The following PLCH1 variants were observed in gnomAD, a reference collection of about 807,000 sequenced individuals.
PLCH1 encodes 1-phosphatidylinositol 4,5-bisphosphate phosphodiesterase eta-1.
Under a neutral mutation model 126.7 loss-of-function variants are expected in PLCH1, and 60 were observed. The observed-to-expected ratio is 0.47, with a 90% CI of 0.38 to 0.59. The LOEUF (loss-of-function observed/expected upper bound fraction) is 0.59. PLCH1 is among the 20% of genes least tolerant of loss of function. The pLI is 0.00. For synonymous variants in PLCH1, 719 were observed against 734.9 expected (o/e 0.98, Z 0.35); for missense variants, 1,723 against 2,040.0 (o/e 0.84, Z 2.99).
chr3:155,542,182 C>T (rs1424556455), intron 10 of PLCH1, among the ~76,000 whole-genome samples: 3 of 152,280 alleles, frequency 2.0e-5, no homozygotes, highest in Non-Finnish European at 4.4e-5. Flanking sequence ...ACTCCCACCC[C>T]AATACTGCGC....
chr3:155,539,252 C>G (rs111363843), intron 10 of PLCH1, among the ~76,000 whole-genome samples: 1 of 152,042 alleles, frequency 6.6e-6, no homozygotes, highest in African/African-American at 2.4e-5. Flanking sequence ...AAGGGACATA[C>G]CTTAAGGTAA....
At chr3:155,661,629 C>T (rs558552247) in intron 2 of PLCH1, among the ~76,000 whole-genome samples, 2 of 152,284 alleles carry the variant, frequency 1.3e-5, no homozygotes, top group South Asian at 2.1e-4. Flanking sequence ...AAACACATCT[C>T]CAGACCTCTG....
intron 10 of PLCH1, among the ~76,000 whole-genome samples, chr3:155,544,707 C>A (rs1576969668): frequency 6.6e-6 from 1 of 151,936 alleles, no homozygotes; most frequent in Non-Finnish European, 1.5e-5. Flanking sequence ...ACAGTGCAAT[C>A]AAACTAGAAC....
chr3:155,494,283 G>A (rs1178943737), intron 16 of PLCH1, 35 bp from the exon 17 acceptor site: 1 of 1,609,596 alleles, frequency 6.2e-7, no homozygotes, highest in Admixed American at 1.7e-5. Context: ...AATTAGGCAA[G>A]ATGGTGGCAT....
At chr3:155,744,538 A>G (rs1019730607) in intron 1 of PLCH1, among the ~76,000 whole-genome samples, 4 of 151,956 alleles carry the variant, frequency 2.6e-5, no homozygotes, top group Non-Finnish European at 4.4e-5. Flanking sequence ...CACCGGGCGA[A>G]ACGCCACCCA....
At chr3:155,459,578 G>C (rs1382572764) in intron 21 of PLCH1, among the ~76,000 whole-genome samples, 1 of 152,134 alleles carries the variant, frequency 6.6e-6, no homozygotes, top group African/African-American at 2.4e-5. Context: ...ATTGAGAAAG[G>C]GGTCAGAGGC....
chr3:155,596,729 GT>G (rs1733031645), intron 2 of PLCH1, among the ~76,000 whole-genome samples: 1 of 152,162 alleles, frequency 6.6e-6, no homozygotes, highest in African/African-American at 2.4e-5. Flanking sequence ...AGTCTTGTGA[GT>G]TTTTATAGAA....
intron 2 of PLCH1, among the ~76,000 whole-genome samples, chr3:155,644,235 T>C (rs537489377): frequency 3.3e-5 from 5 of 152,336 alleles, no homozygotes; most frequent in Non-Finnish European, 7.3e-5. Context: ...TTTTTGTTTG[T>C]AGTCTCTGGA....
chr3:155,719,259 T>C (rs532712097), intron 1 of PLCH1, among the ~76,000 whole-genome samples: 105 of 152,284 alleles, frequency 6.9e-4, no homozygotes, highest in African/African-American at 2.4e-3. Context: ...AGTGAGAACA[T>C]ATGATGTTTG....
In PLCH1 at chr3:155,482,289, G is replaced by A. The variant is rs1201415979; in HGVS notation, c.3737C>T (p.Ser1246Leu). The change falls in exon 23 of 23, where the codon TCA becomes TTA. Residue 1246 changes from serine to leucine, a missense_variant. Physicochemically the swap from Ser to Leu is moderately radical, Grantham distance 145. Around this residue, in one of 2 missense-constraint regions of PLCH1, gnomAD observed 947 missense variants for 977.1 expected, o/e 0.97. Coordinates refer to ENST00000460012, the MANE Select transcript of PLCH1 (RefSeq NM_014996.4). The part of the protein sequence containing the change: ...KGKSKSSFLC[S>L]SPELIALSSS... ...CGAGAGTGCTATCAGCTCCGGAGAT[G>A]AGCACAGGAAGGAAGACTTGGATTT... 2.5e-6 allele frequency: 4 copies of A among 1,614,056 alleles called. No homozygotes were observed. The highest frequency in any genetic ancestry group is 3.4e-6 in the Non-Finnish European group (4 of 1,180,026).
intron 15 of PLCH1, among the ~76,000 whole-genome samples, chr3:155,495,023 A>T: frequency 6.6e-6 from 1 of 152,186 alleles, no homozygotes; most frequent in Non-Finnish European, 1.5e-5. Flanking sequence ...AAAATGAACA[A>T]TTATAAAAAT....
At chr3:155,726,389 G>A (rs2109155047) in intron 1 of PLCH1, among the ~76,000 whole-genome samples, 1 of 152,262 alleles carries the variant, frequency 6.6e-6, no homozygotes, top group East Asian at 1.9e-4. Context: ...CACAGTACAT[G>A]AAAGATAATA....
chr3:155,687,718 G>C (rs941785178), intron 2 of PLCH1, among the ~76,000 whole-genome samples: 1 of 152,150 alleles, frequency 6.6e-6, no homozygotes, highest in Non-Finnish European at 1.5e-5. Context: ...GACATACTGA[G>C]ACTAAGTATT....
Position 155,649,927 on chromosome 3 carries a change from G to T in PLCH1, c.80-53549C>A, listed in dbSNP as rs559878745. Among the ~76,000 whole-genome samples, 3 of 152,140 alleles carry T rather than the reference G, an allele frequency of 2.0e-5. No homozygotes were observed. In the East Asian group the frequency reaches 5.8e-4, roughly 30 times the overall value. ...CGGGAGGCGGAGCTTGCAGTGAGCC[G>T]AGATAGCGCCACTGCACTCCAGCCT... On this transcript the variant is annotated intron_variant, in intron 2 of 22. Coordinates refer to ENST00000460012, the MANE Select transcript of PLCH1 (RefSeq NM_014996.4).
chr3:155,526,489 T>TACACAC lies in PLCH1; in HGVS notation c.1363-2491_1363-2486dup, dbSNP rs35144196. 4.9e-3 allele frequency among the ~76,000 whole-genome samples: 618 copies of TACACAC among 126,612 alleles called. 8 individuals are homozygous for TACACAC. Among genetic ancestry groups the TACACAC allele is most frequent in the South Asian group, 0.023 (80 of 3,534 alleles). The allele number at this position is 126,612 out of a possible 152,430, so 83.1% of individuals were successfully genotyped here. On this transcript the variant is annotated intron_variant, in intron 10 of 22. Transcript: ENST00000460012. Reference sequence around the variant, plus strand: ...TTCTCTCTTCTTTCTCTCTCTCTCATACACACACACACACACACACACACA... The same window carrying TACACAC: ...TTCTCTCTTCTTTCTCTCTCTCTCATACACACACACACACACACACACACACACACA...
chr3:155,544,533 G>A (rs1044465306), intron 10 of PLCH1, among the ~76,000 whole-genome samples: 17 of 152,158 alleles, frequency 1.1e-4, no homozygotes, highest in East Asian at 1.9e-4. Flanking sequence ...TGCACCAAGC[G>A]GACCTAATAG....
At chr3:155,514,940 T>A in intron 11 of PLCH1, 56 bp from the exon 12 acceptor site, 1 of 1,217,324 alleles carries the variant, frequency 8.2e-7, no homozygotes. Flanking sequence ...CGAATTAGAA[T>A]ATACCCTTTG....
At chr3:155,546,497 C>A (rs1365862912) in intron 10 of PLCH1, among the ~76,000 whole-genome samples, 5 of 152,162 alleles carry the variant, frequency 3.3e-5, no homozygotes, top group Non-Finnish European at 5.9e-5. Context: ...CCATCCCCAT[C>A]AAGCTACCAA....
chr3:155,588,505 C>T (rs566912032), intron 4 of PLCH1, among the ~76,000 whole-genome samples: 1 of 152,230 alleles, frequency 6.6e-6, no homozygotes, highest in Non-Finnish European at 1.5e-5. Flanking sequence ...AGGAGTCTGA[C>T]GGCAGTAATA....
Sources: gnomAD v4.1 joint callset for allele counts (sites outside exome capture counted in the v4.1 genomes callset) on GRCh38, gnomAD v4.1.1 for gene constraint, gnomAD v4.1.1 regional missense constraint, MANE v1.5 for transcripts, NCBI Gene and HGNC (gene_info 2026-07-23, HGNC 2026-07-21) for gene names.